Variants in CEP128 observed in about 807,000 individuals in gnomAD.
CEP128 encodes the protein centrosomal protein 128kDa.
CEP128 carries 132 observed loss-of-function variants against 156.7 expected under a neutral mutation model. The ratio of observed to expected loss-of-function variants is 0.84; its 90% CI spans 0.73 to 0.97. CEP128 has a LOEUF of 0.97. Among genes scored for constraint, CEP128 ranks in the 50% least tolerant of loss-of-function variants. The probability of loss-of-function intolerance (pLI) is 0.00; values close to 1 mark genes in which losing one functional copy is unlikely to be tolerated. For synonymous variants in CEP128, 469 were observed against 448.9 expected (o/e 1.04, Z -0.57); for missense variants, 1,252 against 1,281.9 (o/e 0.98, Z 0.36).
intron 15 of CEP128, among the ~76,000 whole-genome samples, chr14:80,780,605 C>A (rs1442676151): frequency 6.7e-6 from 1 of 149,096 alleles, no homozygotes; most frequent in Non-Finnish European, 1.5e-5. Context: ...AAATTCTTTA[C>A]ACATAGGGAA....
chr14:80,526,952 C>T lies in CEP128; in HGVS notation c.2989G>A (p.Gly997Arg). 1.3e-6 allele frequency: 2 copies of T among 1,594,828 alleles called. No homozygotes were observed. Among genetic ancestry groups the T allele is most frequent in the South Asian group, 1.1e-5 (1 of 90,446 alleles). ...CGAACCCTGTATTTGGAATATCTTC[C>T]ATCAGTTCTCTCAGATGAACTGCAG... ...DSCSSSERTDGRYSKYRVRRN... is the reference protein window; with the variant it reads ...DSCSSSERTDRRYSKYRVRRN... The change falls in exon 23 of 25, where the codon GGA becomes AGA. Residue 997 changes from glycine (G) to arginine (R), a missense_variant. Gly to Arg is a moderately radical substitution (Grantham distance 125, BLOSUM62 -2). Transcript: ENST00000555265.
intron 19 of CEP128, among the ~76,000 whole-genome samples, chr14:80,677,369 G>A (rs1387735729): frequency 6.6e-6 from 1 of 152,016 alleles, no homozygotes; most frequent in Non-Finnish European, 1.5e-5. Context: ...TTAGCCAGGT[G>A]TGGTGGTGAC....
At chr14:80,556,936 T>C (rs532554743) in intron 21 of CEP128, among the ~76,000 whole-genome samples, 1 of 152,310 alleles carries the variant, frequency 6.6e-6, no homozygotes, top group African/African-American at 2.4e-5. Flanking sequence ...TCCCTTAAAA[T>C]GTCATATGAA....
chr14:80,655,942 A>G (rs1028893835), intron 19 of CEP128, among the ~76,000 whole-genome samples: 3 of 151,778 alleles, frequency 2.0e-5, no homozygotes, highest in African/African-American at 7.3e-5. Context: ...GTTTGAGTTT[A>G]TCTTCTTTTT....
At chr14:80,855,184 G>A (rs941642634) in intron 9 of CEP128, among the ~76,000 whole-genome samples, 7 of 152,102 alleles carry the variant, frequency 4.6e-5, no homozygotes, top group Non-Finnish European at 8.8e-5. Context: ...TGTTGTGATA[G>A]TGCTTTCAGC....
At chr14:80,855,605 G>A (rs1566673024) in intron 9 of CEP128, among the ~76,000 whole-genome samples, 1 of 152,112 alleles carries the variant, frequency 6.6e-6, no homozygotes, top group Admixed American at 6.5e-5. Context: ...ACAAGAGGGA[G>A]GCAAAGTGAA....
rs117262925 is a variant in CEP128, at chr14:80,483,371, T to C, written c.*311-4964A>G. Among the ~76,000 whole-genome samples, 486 of 152,304 alleles carry C rather than the reference T, an allele frequency of 3.2e-3. 2 individuals carry two copies. The highest frequency in any genetic ancestry group is 5.0e-3 in the Non-Finnish European group (340 of 68,020). On this transcript the variant is annotated intron_variant and NMD_transcript_variant, in intron 14 of 14. Coordinates refer to the CEP128 transcript ENST00000554502. ...AATGACAGCACAGATATTCTACTAATATCTTTTAAGGCAAAATCAGCATAT... is the reference window on the plus strand; with the variant it reads ...AATGACAGCACAGATATTCTACTAACATCTTTTAAGGCAAAATCAGCATAT...
intron 19 of CEP128, among the ~76,000 whole-genome samples, chr14:80,663,068 G>A (rs1053737614): frequency 6.6e-6 from 1 of 152,106 alleles, no homozygotes; most frequent in African/African-American, 2.4e-5. Flanking sequence ...TTTTGTTACA[G>A]TAATAAACAA....
intron 21 of CEP128, among the ~76,000 whole-genome samples, chr14:80,538,149 A>ATT (rs140537663): frequency 4.0e-5 from 6 of 149,320 alleles, no homozygotes; most frequent in Non-Finnish European, 7.5e-5. Flanking sequence ...CAAACAGCAG[A>ATT]TTTTTTTTTT....
At chr14:80,585,812 A>C (rs1160676821) in intron 19 of CEP128, among the ~76,000 whole-genome samples, 2 of 152,248 alleles carry the variant, frequency 1.3e-5, no homozygotes, top group Non-Finnish European at 2.9e-5. Context: ...TATTTTATTA[A>C]AAAGTAAATT....
At chr14:80,598,571 ATTTC>A (rs749888813) in intron 19 of CEP128, among the ~76,000 whole-genome samples, 63 of 152,274 alleles carry the variant, frequency 4.1e-4, no homozygotes, top group Non-Finnish European at 7.8e-4. Flanking sequence ...GTTCCATACA[ATTTC>A]TATCAAAATA....
intron 17 of CEP128, among the ~76,000 whole-genome samples, chr14:80,758,327 G>C (rs903784062): frequency 1.7e-4 from 26 of 152,142 alleles, no homozygotes; most frequent in Non-Finnish European, 3.4e-4. Flanking sequence ...TACAAGACCA[G>C]CCTGGCCAAC....
rs575815190 is a variant in CEP128 at position 80,665,405 on chromosome 14, G to C, written c.2806+77670C>G. 3.3e-5 allele frequency among the ~76,000 whole-genome samples: 5 copies of C among 152,320 alleles called. No individual in the cohort carries two copies. In the South Asian group the frequency reaches 1.0e-3, roughly 32 times the overall value. ...ATAAGGCAGAGACTGAAAGGGAAAAGAGGAATGCTGGATTTAATTGACTAT... is the reference window on the plus strand; with the variant it reads ...ATAAGGCAGAGACTGAAAGGGAAAACAGGAATGCTGGATTTAATTGACTAT... On this transcript the variant is annotated intron_variant, in intron 19 of 24. Transcript: ENST00000555265.
intron 6 of CEP128, among the ~76,000 whole-genome samples, chr14:80,903,951 A>G (rs1463983209): frequency 6.6e-6 from 1 of 152,144 alleles, no homozygotes; most frequent in East Asian, 1.9e-4. Context: ...AAAACTAAAA[A>G]TAAGACTACT....
chr14:80,896,070 C>T (rs1229807131), intron 7 of CEP128, among the ~76,000 whole-genome samples: 1 of 152,060 alleles, frequency 6.6e-6, no homozygotes, highest in Non-Finnish European at 1.5e-5. Flanking sequence ...GTCTGGAGAC[C>T]AAACTTTGAG....
intron 2 of CEP128, among the ~76,000 whole-genome samples, chr14:80,935,664 A>AC (rs1165141222): frequency 2.0e-5 from 3 of 147,446 alleles, no homozygotes; most frequent in Admixed American, 1.3e-4. Context: ...AAAAAAAAAA[A>AC]AAAACAGAAC....
At chr14:80,601,600 T>C (rs180837290) in intron 19 of CEP128, among the ~76,000 whole-genome samples, 5 of 152,294 alleles carry the variant, frequency 3.3e-5, no homozygotes, top group Admixed American at 6.5e-5. Context: ...CTAGGCTATA[T>C]AGTATAGCCT....
intron 23 of CEP128, among the ~76,000 whole-genome samples, chr14:80,507,256 T>C (rs911447480): frequency 2.0e-5 from 3 of 152,142 alleles, no homozygotes; most frequent in Non-Finnish European, 2.9e-5. Flanking sequence ...AGATTTAAGA[T>C]GAAGACCCTG....
intron 2 of CEP128, among the ~76,000 whole-genome samples, chr14:80,949,826 A>G (rs12586161): frequency 0.16 from 24,865 of 152,192 alleles, 2,323 homozygotes; most frequent in East Asian, 0.43. Flanking sequence ...TACAAAGAAT[A>G]GAAAATGCAA....
Sources: gnomAD v4.1 joint callset for allele counts (sites outside exome capture counted in the v4.1 genomes callset) on GRCh38, gnomAD v4.1.1 for gene constraint, MANE v1.5 for transcripts, NCBI Gene and HGNC (gene_info 2026-07-23, HGNC 2026-07-21) for gene names.